FAM135B: variants seen among roughly 807,000 people sequenced by gnomAD.
FAM135B encodes the protein protein FAM135B.
FAM135B carries 43 observed loss-of-function variants against 127.7 expected under a neutral mutation model. The observed-to-expected ratio is 0.34, with a 90% CI of 0.26 to 0.43. FAM135B has a LOEUF of 0.43. FAM135B is among the 20% of genes least tolerant of loss of function. The pLI is 1.00. For synonymous variants in FAM135B, 670 were observed against 665.1 expected, an observed-to-expected ratio of 1.01 and a Z score of -0.11; for missense variants, 1,558 against 1,725.6, an observed-to-expected ratio of 0.90 and a Z score of 1.72.
At chr8:138,369,355 A>G (rs1446881742) in intron 1 of FAM135B, among the ~76,000 whole-genome samples, 1 of 152,134 alleles carries the variant, frequency 6.6e-6, no homozygotes, top group Non-Finnish European at 1.5e-5. Context: ...GGACCAGACC[A>G]TTCTTGTGGT....
chr8:138,398,514 T>C (rs1587349647), intron 1 of FAM135B, among the ~76,000 whole-genome samples: 1 of 152,064 alleles, frequency 6.6e-6, no homozygotes, highest in Non-Finnish European at 1.5e-5. Flanking sequence ...TTAATAGAAA[T>C]CAGCCACATT....
chr8:138,176,653 G>A (rs1423895449), intron 11 of FAM135B, among the ~76,000 whole-genome samples: 1 of 152,186 alleles, frequency 6.6e-6, no homozygotes, highest in Non-Finnish European at 1.5e-5. Flanking sequence ...CTTGAGTGAT[G>A]GATGGGTCTC....
intron 1 of FAM135B, among the ~76,000 whole-genome samples, chr8:138,489,366 T>G (rs1815115632): frequency 6.6e-6 from 1 of 152,184 alleles, no homozygotes; most frequent in Non-Finnish European, 1.5e-5. Flanking sequence ...AAGATTCTAC[T>G]GACTGAATAT....
At chr8:138,378,029 C>T (rs182126439) in intron 1 of FAM135B, among the ~76,000 whole-genome samples, 2 of 152,300 alleles carry the variant, frequency 1.3e-5, no homozygotes, top group East Asian at 1.9e-4. Flanking sequence ...GCATCTCATC[C>T]ACATTTGACT....
intron 3 of FAM135B, among the ~76,000 whole-genome samples, chr8:138,289,488 A>G (rs1824940257): frequency 6.6e-6 from 1 of 152,192 alleles, no homozygotes; most frequent in South Asian, 2.1e-4. Flanking sequence ...GTGGCCCTGG[A>G]CATTTCTCAG....
At chr8:138,240,373 G>A (rs937238286) in intron 7 of FAM135B, among the ~76,000 whole-genome samples, 2 of 152,142 alleles carry the variant, frequency 1.3e-5, no homozygotes, top group African/African-American at 4.8e-5. Flanking sequence ...CTTCATACCA[G>A]GTCTAACGTT....
intron 1 of FAM135B, among the ~76,000 whole-genome samples, chr8:138,426,111 T>C (rs1408383366): frequency 8.9e-6 from 1 of 112,470 alleles, no homozygotes; most frequent in Non-Finnish European, 1.8e-5. Flanking sequence ...TATATATATA[T>C]ACACATATGT....
At chr8:138,170,129 T>G (rs1262400315) in intron 11 of FAM135B, among the ~76,000 whole-genome samples, 2 of 152,034 alleles carry the variant, frequency 1.3e-5, no homozygotes, top group African/African-American at 4.8e-5. Context: ...ATCCTTAAAT[T>G]TGATGCACAG....
chr8:138,368,774 A>C (rs2131222209), intron 1 of FAM135B, among the ~76,000 whole-genome samples: 1 of 152,260 alleles, frequency 6.6e-6, no homozygotes, highest in South Asian at 2.1e-4. Flanking sequence ...AAAACAGTCC[A>C]AGTCTAGGAT....
At chr8:138,172,520 A>T (rs555748851) in intron 11 of FAM135B, among the ~76,000 whole-genome samples, 1 of 152,224 alleles carries the variant, frequency 6.6e-6, no homozygotes, top group African/African-American at 2.4e-5. Flanking sequence ...TACTTGGTCA[A>T]ATCAGGAACT....
chr8:138,185,744 T>C (rs1169190065), intron 9 of FAM135B, among the ~76,000 whole-genome samples: 1 of 152,236 alleles, frequency 6.6e-6, no homozygotes, highest in Non-Finnish European at 1.5e-5. Flanking sequence ...CCTCCGTTGC[T>C]GTATTATAAC....
chr8:138,333,403 T>C (rs1587122814), intron 2 of FAM135B, among the ~76,000 whole-genome samples: 1 of 152,264 alleles, frequency 6.6e-6, no homozygotes, highest in Non-Finnish European at 1.5e-5. Context: ...GGTGTGCAAA[T>C]GCATCATGCC....
intron 2 of FAM135B, chr8:138,367,322 T>C (rs926315676): frequency 2.2e-6 from 1 of 453,398 alleles, no homozygotes; most frequent in Non-Finnish European, 4.4e-6. Flanking sequence ...TTTCACATCT[T>C]GATTACTTAC....
intron 1 of FAM135B, among the ~76,000 whole-genome samples, chr8:138,468,676 AT>A (rs1290559959): frequency 6.6e-6 from 1 of 152,204 alleles, no homozygotes; most frequent in Non-Finnish European, 1.5e-5. Flanking sequence ...AAATTTAAAA[AT>A]TTTAGTATTT....
chr8:138,238,736 G>A (rs1387284811), intron 7 of FAM135B, among the ~76,000 whole-genome samples: 1 of 152,212 alleles, frequency 6.6e-6, no homozygotes, highest in Admixed American at 6.5e-5. Flanking sequence ...GCTTCTCAGG[G>A]ATTTGGATAC....
intron 1 of FAM135B, among the ~76,000 whole-genome samples, chr8:138,470,445 T>G (rs1324315351): frequency 6.6e-6 from 1 of 152,226 alleles, no homozygotes; most frequent in Non-Finnish European, 1.5e-5. Context: ...AAAGCCCTGG[T>G]TCAGATGGTC....
intron 7 of FAM135B, among the ~76,000 whole-genome samples, chr8:138,226,654 C>A (rs189945011): frequency 6.6e-6 from 1 of 152,078 alleles, no homozygotes; most frequent in Admixed American, 6.5e-5. Flanking sequence ...CACCACCTCC[C>A]AGGTTCAAGC....
intron 2 of FAM135B, among the ~76,000 whole-genome samples, chr8:138,311,308 T>C (rs1400815216): frequency 6.6e-6 from 1 of 152,188 alleles, no homozygotes; most frequent in Non-Finnish European, 1.5e-5. Flanking sequence ...TAAATTGAGT[T>C]TCTATCATAT....
At chr8:138,164,270 A>G (rs1819687679) in intron 12 of FAM135B, among the ~76,000 whole-genome samples, 1 of 152,116 alleles carries the variant, frequency 6.6e-6, no homozygotes, top group Non-Finnish European at 1.5e-5. Context: ...AGTCTGAGGG[A>G]TAGAGAAGGC....
Sources: gnomAD v4.1 joint callset for allele counts (sites outside exome capture counted in the v4.1 genomes callset) on GRCh38, gnomAD v4.1.1 for gene constraint, MANE v1.5 for transcripts, NCBI Gene and HGNC (gene_info 2026-07-23, HGNC 2026-07-21) for gene names.